Variants in SWT1 observed in about 807,000 individuals in gnomAD.
The protein encoded by SWT1 is SWT1 RNA endoribonuclease homolog.
In SWT1, 33 loss-of-function variants were observed where a neutral mutation model predicts 107.3. The ratio of observed to expected loss-of-function variants is 0.31; its 90% CI spans 0.23 to 0.41. The LOEUF (loss-of-function observed/expected upper bound fraction) is 0.41, where lower values mean the gene tolerates loss of function less well. SWT1 is among the 10% of genes least tolerant of loss of function. The pLI is 1.00. For synonymous variants in SWT1, 345 were observed against 348.3 expected, an observed-to-expected ratio of 0.99 and a Z score of 0.11; for missense variants, 898 against 1,028.9, an observed-to-expected ratio of 0.87 and a Z score of 1.74.
chr1:185,201,700 A>T (rs749521405), intron 10 of SWT1, among the ~76,000 whole-genome samples: 2 of 152,138 alleles, frequency 1.3e-5, no homozygotes, highest in Non-Finnish European at 2.9e-5. Flanking sequence ...CTATTCTGCC[A>T]TCTTGCCAGC....
intron 9 of SWT1, among the ~76,000 whole-genome samples, chr1:185,186,547 C>A (rs1656479539): frequency 6.6e-6 from 1 of 151,756 alleles, no homozygotes; most frequent in South Asian, 2.1e-4. Flanking sequence ...ATTGCTATAG[C>A]CACAGGAGGG....
intron 16 of SWT1, among the ~76,000 whole-genome samples, chr1:185,235,151 A>G (rs1660773234): frequency 6.6e-6 from 1 of 152,230 alleles, no homozygotes; most frequent in South Asian, 2.1e-4. Flanking sequence ...AGGAGCTGGT[A>G]TCATTTCTTC....
At chr1:185,226,374 G>T (rs1429364489) in intron 15 of SWT1, among the ~76,000 whole-genome samples, 1 of 152,054 alleles carries the variant, frequency 6.6e-6, no homozygotes, top group Non-Finnish European at 1.5e-5. Flanking sequence ...ATCGCTCATG[G>T]GCCTTTCATG....
At chr1:185,257,717 G>T (rs1662703726) in intron 16 of SWT1, among the ~76,000 whole-genome samples, 1 of 152,260 alleles carries the variant, frequency 6.6e-6, no homozygotes, top group Non-Finnish European at 1.5e-5. Flanking sequence ...TATCTCAGAT[G>T]GAAATGCAGA....
rs148477689 is a variant in SWT1, at chr1:185,180,461, T to C, written c.1026+11T>C. 9 of 1,596,538 alleles carry C rather than the reference T, an allele frequency of 5.6e-6. No individual in the cohort carries two copies. Among genetic ancestry groups the C allele is most frequent in the African/African-American group, 2.7e-5 (2 of 74,704 alleles). ...GATGCAGATCAAGAGGTTATTGATA[T>C]TCTTGTTTACTTTGATATTTTTAAT... On this transcript the variant is annotated intron_variant, in intron 6 of 18. Coordinates refer to ENST00000367500, the MANE Select transcript of SWT1 (RefSeq NM_017673.7).
intron 14 of SWT1, among the ~76,000 whole-genome samples, chr1:185,217,685 T>C (rs920233605): frequency 1.3e-5 from 2 of 150,668 alleles, no homozygotes; most frequent in Non-Finnish European, 3.0e-5. Context: ...AACCTCCACC[T>C]CCCAGGTTCA....
intron 2 of SWT1, among the ~76,000 whole-genome samples, chr1:185,166,156 C>A (rs1654552315): frequency 6.6e-6 from 1 of 152,206 alleles, no homozygotes; most frequent in Non-Finnish European, 1.5e-5. Flanking sequence ...ATTCCTCTCT[C>A]TCCACTGTCT....
At chr1:185,276,225 A>T (rs974495990) in intron 17 of SWT1, among the ~76,000 whole-genome samples, 2 of 152,158 alleles carry the variant, frequency 1.3e-5, no homozygotes, top group African/African-American at 4.8e-5. Flanking sequence ...TAGTTTAAAC[A>T]TGTAGACCTC....
At chr1:185,180,090 G>A (rs1655892060) in intron 5 of SWT1, among the ~76,000 whole-genome samples, 1 of 152,184 alleles carries the variant, frequency 6.6e-6, no homozygotes, top group Admixed American at 6.5e-5. Context: ...TGGCTGAGGC[G>A]GGAGGATCGC....
intron 4 of SWT1, among the ~76,000 whole-genome samples, chr1:185,170,573 A>G (rs1458556221): frequency 2.0e-5 from 3 of 152,312 alleles, no homozygotes; most frequent in South Asian, 2.1e-4. Context: ...GGTCCCACAC[A>G]GGAGGCCACA....
chr1:185,245,317 C>T (rs2102623348), intron 16 of SWT1, among the ~76,000 whole-genome samples: 1 of 152,164 alleles, frequency 6.6e-6, no homozygotes, highest in South Asian at 2.1e-4. Context: ...TACACAGGGT[C>T]AGGATCATCA....
intron 16 of SWT1, among the ~76,000 whole-genome samples, chr1:185,250,934 A>G (rs558482864): frequency 5.3e-5 from 8 of 152,174 alleles, no homozygotes; most frequent in Non-Finnish European, 8.8e-5. Flanking sequence ...AAGTGCTGGG[A>G]TTACAGGTAT....
intron 16 of SWT1, among the ~76,000 whole-genome samples, chr1:185,240,401 T>C (rs1661182438): frequency 6.6e-6 from 1 of 152,034 alleles, no homozygotes; most frequent in Admixed American, 6.6e-5. Flanking sequence ...TTGACTCATA[T>C]TTGGGGTGGG....
At chr1:185,160,710 A>T in intron 1 of SWT1, 123 bp from the exon 2 acceptor site, 1 of 697,432 alleles carries the variant, frequency 1.4e-6, no homozygotes, top group Non-Finnish European at 2.3e-6. Flanking sequence ...TCAAAAAAAA[A>T]TAAAATAAAA....
chr1:185,247,236 A>G (rs1661679310), intron 16 of SWT1, among the ~76,000 whole-genome samples: 1 of 152,146 alleles, frequency 6.6e-6, no homozygotes, highest in African/African-American at 2.4e-5. Flanking sequence ...TTCCTCCCTA[A>G]TGTGGAACTC....
At chr1:185,255,102 C>G (rs952594759) in intron 16 of SWT1, among the ~76,000 whole-genome samples, 1 of 152,130 alleles carries the variant, frequency 6.6e-6, no homozygotes, top group Non-Finnish European at 1.5e-5. Context: ...GAGTGAGTTT[C>G]TTAATCCTGA....
At chr1:185,262,076 C>T (rs1314902675) in intron 16 of SWT1, among the ~76,000 whole-genome samples, 3 of 152,036 alleles carry the variant, frequency 2.0e-5, no homozygotes, top group Non-Finnish European at 4.4e-5. Context: ...CGAGAGTGAT[C>T]CTATTTGTCA....
At chr1:185,206,867 G>A in intron 13 of SWT1, 104 bp downstream of exon 13, 6 of 825,528 alleles carry the variant, frequency 7.3e-6, no homozygotes, top group Non-Finnish European at 1.1e-5. Flanking sequence ...TTGTTAATTA[G>A]TTCTTAATCA....
At chr1:185,234,303 A>G (rs889784020) in intron 16 of SWT1, among the ~76,000 whole-genome samples, 1 of 152,218 alleles carries the variant, frequency 6.6e-6, no homozygotes, top group African/African-American at 2.4e-5. Context: ...GTACTCCTGT[A>G]TTGGGTACAG....
Sources: allele counts gnomAD v4.1 joint callset (sites outside exome capture counted in the v4.1 genomes callset), GRCh38; gene constraint gnomAD v4.1.1; transcripts MANE v1.5; gene names NCBI Gene and HGNC (gene_info 2026-07-23, HGNC 2026-07-21).